Variants in ATP2B1 observed in about 807,000 individuals in gnomAD.
The protein encoded by ATP2B1 is plasma membrane calcium-transporting ATPase 1.
ATP2B1 carries 14 observed loss-of-function variants against 124.2 expected under a neutral mutation model. The observed-to-expected ratio is 0.11, with a 90% CI of 0.07 to 0.18. The LOEUF (loss-of-function observed/expected upper bound fraction) is 0.18. Ranked by LOEUF, ATP2B1 falls within the 10% of genes least tolerant of loss-of-function variation. ATP2B1 has a pLI of 1.00. For synonymous variants in ATP2B1, 449 were observed against 492.4 expected (o/e 0.91, Z 1.17); for missense variants, 763 against 1,466.1 (o/e 0.52, Z 7.83).
intron 3 of ATP2B1, 76 bp from the exon 4 acceptor site, chr12:89,635,327 A>G (rs778631458): frequency 2.0e-4 from 300 of 1,463,846 alleles, no homozygotes; most frequent in Non-Finnish European, 2.6e-4. Context: ...CGTCTAAATC[A>G]TATTTTTGTG....
chr12:89,646,376 A>G (rs868462718), intron 2 of ATP2B1, among the ~76,000 whole-genome samples: 2 of 152,168 alleles, frequency 1.3e-5, no homozygotes, highest in African/African-American at 2.4e-5. Context: ...GTAGACAAGA[A>G]GGGAGCTAGG....
At position 89,699,079 on chromosome 12, in the gene ATP2B1, C is replaced by A. The variant is rs75592007; in HGVS notation, c.-222+9517G>T. ...AGTTCTCCCGTTTTGCCCCCCTGTC[C>A]CCTCTTCACCATGGGTCCCATGTTT... is the stretch of plus-strand genomic sequence containing the variant. On this transcript the variant is annotated intron_variant, in intron 1 of 20. Coordinates refer to ENST00000428670, the MANE Select transcript of ATP2B1 (RefSeq NM_001366521.1). 8.4e-3 allele frequency among the ~76,000 whole-genome samples: 1,273 copies of A among 152,232 alleles called. 16 individuals are homozygous for A. Among genetic ancestry groups the A allele is most frequent in the African/African-American group, 0.029 (1,221 of 41,528 alleles).
Position 89,630,507 on chromosome 12 carries a change from T to C in ATP2B1, c.926A>G (p.Lys309Arg). Residue 309 changes from lysine (K) to arginine (R), a missense_variant and splice_region_variant, in exon 6 of 21, where the codon AAA (lysine) becomes AGA (arginine). Around this residue, in one of 7 missense-constraint regions of ATP2B1, gnomAD observed 392 missense variants for 776.6 expected, o/e 0.50. Transcript: ENST00000428670. ...TTATAGAAAATTGTTATTCTTACTT[T>C]TCTTTTCCTTTTTCTTCTCATCTTT... ...EKKDEKKKEK[K>R]NKKQDGAIEN... 6.4e-7 allele frequency: 1 copy of C among 1,568,412 alleles called. No homozygotes were observed. The highest frequency in any genetic ancestry group is 1.2e-5 in the South Asian group (1 of 83,082).
At chr12:89,677,954 T>TTATATATATATATGTGTATATATA (rs1491452210) in intron 1 of ATP2B1, among the ~76,000 whole-genome samples, 14 of 68,764 alleles carry the variant, frequency 2.0e-4, no homozygotes, top group African/African-American at 7.0e-4. Flanking sequence ...CATGCAGGAA[T>TTATATATATATATGTGTATATATA]TATATATATA....
intron 1 of ATP2B1, among the ~76,000 whole-genome samples, chr12:89,694,446 T>G (rs1890888828): frequency 6.6e-6 from 1 of 152,162 alleles, no homozygotes; most frequent in Non-Finnish European, 1.5e-5. Flanking sequence ...CCTTAGGGTA[T>G]CTGCTTATGG....
At chr12:89,677,355 T>C (rs570323497) in intron 1 of ATP2B1, among the ~76,000 whole-genome samples, 2 of 152,140 alleles carry the variant, frequency 1.3e-5, no homozygotes, top group Non-Finnish European at 2.9e-5. Context: ...CTCCCAAATC[T>C]TTCTAGCACA....
At chr12:89,706,449 T>C (rs1892466012) in intron 1 of ATP2B1, among the ~76,000 whole-genome samples, 3 of 152,044 alleles carry the variant, frequency 2.0e-5, no homozygotes, top group African/African-American at 7.2e-5. Context: ...AATGGCTAGT[T>C]CAAACCACCT....
chr12:89,677,963 T>TACACACAC (rs1440059453), intron 1 of ATP2B1, among the ~76,000 whole-genome samples: 7 of 100,892 alleles, frequency 6.9e-5, no homozygotes, highest in South Asian at 3.6e-4. Context: ...ATTATATATA[T>TACACACAC]ATATATATAC....
intron 12 of ATP2B1, among the ~76,000 whole-genome samples, chr12:89,614,721 T>C (rs1417599799): frequency 6.6e-6 from 1 of 152,252 alleles, no homozygotes; most frequent in African/African-American, 2.4e-5. Flanking sequence ...GAGGTCCAAA[T>C]GCTTGACATA....
chr12:89,598,078 A>T (rs1048311863), intron 20 of ATP2B1, among the ~76,000 whole-genome samples: 3 of 145,584 alleles, frequency 2.1e-5, no homozygotes, highest in African/African-American at 7.5e-5. Context: ...AGCAAGGCAA[A>T]GTTCAGGTTA....
intron 5 of ATP2B1, among the ~76,000 whole-genome samples, chr12:89,632,153 T>C (rs1211899737): frequency 6.6e-6 from 1 of 151,336 alleles, no homozygotes; most frequent in African/African-American, 2.4e-5. Context: ...TTTTTTTTTT[T>C]ACACGTTATC....
rs1243715973 is a variant in ATP2B1 at position 89,589,242 on chromosome 12, T to G, written c.*1742A>C. ...TCTTTGCTTGGTCAGCACTCTCAGT[T>G]ATAGTAGCAGTCCTCGTAAACTTTA... On this transcript the variant is annotated 3_prime_UTR_variant, in exon 21 of 21. Transcript: ENST00000428670. 2 of 152,568 alleles carry G rather than the reference T, an allele frequency of 1.3e-5. No individual in the cohort carries two copies. 9.5% of individuals were successfully genotyped at this position (152,568 alleles called of 1,614,324 possible).
intron 1 of ATP2B1, among the ~76,000 whole-genome samples, chr12:89,703,704 A>C (rs752703154): frequency 6.6e-6 from 1 of 152,182 alleles, no homozygotes; most frequent in Non-Finnish European, 1.5e-5. Flanking sequence ...GTAACCACAG[A>C]TGGATCTTCT....
rs377723561 is a variant in ATP2B1, at chr12:89,695,476, AAG to A, written c.-222+13118_-222+13119del. The stretch of plus-strand genomic sequence containing the variant: ...TCTACTTGAAATGAGAATTAAAAAA[AAG>A]AAAAAAATTCATATATGATGTCACA... On this transcript the variant is annotated intron_variant, in intron 1 of 20. Coordinates refer to ENST00000428670, the MANE Select transcript of ATP2B1 (RefSeq NM_001366521.1). 2.0e-4 allele frequency among the ~76,000 whole-genome samples: 30 copies of A among 152,314 alleles called. No homozygotes were observed. In the East Asian group the frequency reaches 5.6e-3, roughly 28 times the overall value.
intron 3 of ATP2B1, among the ~76,000 whole-genome samples, chr12:89,637,161 T>C (rs1386581854): frequency 1.3e-5 from 2 of 152,162 alleles, no homozygotes; most frequent in Non-Finnish European, 2.9e-5. Context: ...TAACAGCATA[T>C]AAAAACAACA....
intron 1 of ATP2B1, among the ~76,000 whole-genome samples, chr12:89,672,784 A>G (rs185788812): frequency 6.6e-6 from 1 of 152,236 alleles, no homozygotes; most frequent in Admixed American, 6.5e-5. Flanking sequence ...ATTTATATTT[A>G]TAAACACTAC....
At chr12:89,694,878 G>A (rs938160829) in intron 1 of ATP2B1, among the ~76,000 whole-genome samples, 6 of 151,880 alleles carry the variant, frequency 4.0e-5, no homozygotes, top group Admixed American at 1.3e-4. Flanking sequence ...GCAACATGGC[G>A]AAACCCTATC....
rs913694202 is a variant in ATP2B1 at position 89,626,560 on chromosome 12, A to C, written c.1023T>G (p.Gly341=). 2 of 1,613,268 alleles carry C rather than the reference A, an allele frequency of 1.2e-6. No individual in the cohort carries two copies. The highest frequency in any genetic ancestry group is 1.7e-6 in the Non-Finnish European group (2 of 1,179,796). The part of the protein sequence containing the change: ...MEMQPLKSEE[G]GDGDEKDKKK... ...TTTTATCTTTTTCATCACCATCTCCACCTTCTTCACTCTTCAATGGCTGCA... is the reference window on the plus strand; with the variant it reads ...TTTTATCTTTTTCATCACCATCTCCCCCTTCTTCACTCTTCAATGGCTGCA... The change falls in exon 8 of 21, where the codon GGT becomes GGG. Residue 341 remains glycine (G), a synonymous_variant. Transcript: ENST00000428670.
chr12:89,611,325 C>G lies in ATP2B1; in HGVS notation c.2115G>C (p.Arg705=). The change falls in exon 13 of 21, where the codon CGG becomes CGC. Residue 705 remains arginine (R), a synonymous_variant. Coordinates refer to ENST00000428670, the MANE Select transcript of ATP2B1 (RefSeq NM_001366521.1). ...TATTAATATTATCACCAGTGACCAT[C>G]CGCACAGTAATTCCAGCCCTCTGAC... The part of the protein sequence containing the change: ...KKCQRAGITV[R]MVTGDNINTA... 4 of 1,585,774 alleles carry G rather than the reference C, an allele frequency of 2.5e-6. No homozygotes were observed. Among genetic ancestry groups the G allele is most frequent in the Non-Finnish European group, 2.6e-6 (3 of 1,167,662 alleles).
Sources: gnomAD v4.1 joint callset for allele counts (sites outside exome capture counted in the v4.1 genomes callset) on GRCh38, gnomAD v4.1.1 for gene constraint, gnomAD v4.1.1 regional missense constraint, MANE v1.5 for transcripts, NCBI Gene and HGNC (gene_info 2026-07-23, HGNC 2026-07-21) for gene names.